NPRL3: variants seen among roughly 807,000 people sequenced by gnomAD.
NPRL3 encodes the protein GATOR1 complex protein NPRL3.
In NPRL3, 23 loss-of-function variants were observed where a neutral mutation model predicts 57.2. That is an observed-to-expected ratio of 0.40 (90% CI 0.29 to 0.57). NPRL3 has a LOEUF of 0.57. Among genes scored for constraint, NPRL3 ranks in the 20% least tolerant of loss-of-function variants. The probability of loss-of-function intolerance (pLI) is 0.42; values close to 1 mark genes in which losing one functional copy is unlikely to be tolerated. For missense variants in NPRL3, 691 were observed against 767.1 expected (o/e 0.90, Z 1.17); for synonymous variants, 333 against 321.1 (o/e 1.04, Z -0.39).
chr16:92,637 A>G lies in NPRL3; in HGVS notation c.1120T>C (p.Leu374=). The change falls in exon 11 of 14, where the codon TTG becomes CTG. Residue 374 remains leucine, a synonymous_variant. Transcript: ENST00000611875. ...GCCAGGGGATTCCTAAATTCTGACA[A>G]GGAGACCGGCAAGGAGAACTTGGCA... ...VLAKFSLPVS[L]SEFRNPLAPA... The G allele has an allele frequency of 6.2e-7, 1 of 1,613,720 alleles. No individual in the cohort carries two copies. The highest frequency in any genetic ancestry group is 8.5e-7 in the Non-Finnish European group (1 of 1,179,764).
At chr16:113,134 C>T (rs993349015) in intron 5 of NPRL3, among the ~76,000 whole-genome samples, 2 of 152,150 alleles carry the variant, frequency 1.3e-5, no homozygotes, top group African/African-American at 2.4e-5. Flanking sequence ...AAGAAATTAG[C>T]GAGCCATGTA....
In NPRL3 at chr16:97,175, G is replaced by A. The variant is rs566648683; in HGVS notation, c.924+970C>T. ...CAATGGTCCCGTGGCTCTGGGCCAC[G>A]CCCACATGACTAGCAGCCACAGCTG... On this transcript the variant is annotated intron_variant, in intron 9 of 13. Transcript: ENST00000611875. Among the ~76,000 whole-genome samples, 4 of 151,758 alleles carry A rather than the reference G, an allele frequency of 2.6e-5. No individual in the cohort carries two copies. In the South Asian group the frequency reaches 6.2e-4, roughly 24 times the overall value.
chr16:111,943 T>C (rs1314004435), intron 6 of NPRL3, among the ~76,000 whole-genome samples: 1 of 152,200 alleles, frequency 6.6e-6, no homozygotes, highest in African/African-American at 2.4e-5. Flanking sequence ...GTTACAGGTG[T>C]CTCTTTATGT....
At chr16:126,597 C>T (rs1900530327) in intron 3 of NPRL3, among the ~76,000 whole-genome samples, 1 of 152,106 alleles carries the variant, frequency 6.6e-6, no homozygotes, top group African/African-American at 2.4e-5. Flanking sequence ...GGTGTCCACA[C>T]AGAGAGGGAC....
In NPRL3 at chr16:109,743, G is replaced by C. The variant is rs147941296; in HGVS notation, c.629+782C>G. 1.0e-3 allele frequency among the ~76,000 whole-genome samples: 153 copies of C among 152,192 alleles called. 4 individuals carry two copies. In the East Asian group the frequency reaches 0.026, roughly 26 times the overall value. The stretch of plus-strand genomic sequence containing the variant: ...CCGAGCTTTGCCAACATCGAGTCTC[G>C]TGAAATTGTGGATCTTAACCAGTAT... On this transcript the variant is annotated intron_variant, in intron 7 of 13. Coordinates refer to ENST00000611875, the MANE Select transcript of NPRL3 (RefSeq NM_001077350.3).
intron 4 of NPRL3, among the ~76,000 whole-genome samples, chr16:117,760 G>A (rs1185950627): frequency 1.3e-5 from 2 of 152,232 alleles, no homozygotes; most frequent in Non-Finnish European, 2.9e-5. Context: ...GGGACAGGAC[G>A]ATGTTCAGGG....
chr16:134,691 A>ATTT (rs765141529), intron 2 of NPRL3, among the ~76,000 whole-genome samples: 10 of 108,496 alleles, frequency 9.2e-5, no homozygotes, highest in African/African-American at 2.5e-4. Flanking sequence ...AGTAATTATT[A>ATTT]TTATTTTTTT....
At chr16:98,899 T>C (rs560798025) in intron 8 of NPRL3, among the ~76,000 whole-genome samples, 3 of 152,082 alleles carry the variant, frequency 2.0e-5, no homozygotes, top group East Asian at 1.9e-4. Context: ...GATTGCGCCA[T>C]TGCACTCCAG....
intron 10 of NPRL3, 133 bp from the exon 11 acceptor site, chr16:92,858 G>T: frequency 8.3e-7 from 1 of 1,211,650 alleles, no homozygotes; most frequent in Non-Finnish European, 1.2e-6. Flanking sequence ...AGAACGGTAT[G>T]AGGCCAGGCA....
chr16:112,458 C>T (rs994056254), intron 6 of NPRL3, among the ~76,000 whole-genome samples, 164 bp downstream of exon 6: 13 of 152,216 alleles, frequency 8.5e-5, no homozygotes, highest in Admixed American at 2.0e-4. Context: ...CACCAAAAGC[C>T]GATGCTTGCA....
intron 9 of NPRL3, among the ~76,000 whole-genome samples, chr16:95,230 G>A (rs1898936092): frequency 6.6e-6 from 1 of 151,478 alleles, no homozygotes; most frequent in South Asian, 2.1e-4. Context: ...TGGGGATTAG[G>A]ATGTGTATAT....
intron 3 of NPRL3, 199 bp from the exon 4 acceptor site, chr16:119,454 A>C: frequency 1.7e-6 from 1 of 600,088 alleles, no homozygotes; most frequent in South Asian, 2.0e-5. Context: ...CCAGAATTAC[A>C]AGGTAAAAGG....
intron 11 of NPRL3, among the ~76,000 whole-genome samples, chr16:92,043 G>A (rs1233980733): frequency 2.0e-5 from 3 of 152,142 alleles, no homozygotes; most frequent in African/African-American, 7.2e-5. Context: ...CTGCCTGCCC[G>A]TTGCCCTGAT....
In NPRL3 at chr16:85,601, G is replaced by A. The variant is rs934461697; in HGVS notation, c.*1104C>T. 3 of 1,610,620 alleles carry A rather than the reference G, an allele frequency of 1.9e-6. No homozygotes were observed. The highest frequency in any genetic ancestry group is 2.5e-6 in the Non-Finnish European group (3 of 1,177,812). On this transcript the variant is annotated 3_prime_UTR_variant, in exon 14 of 14. Transcript: ENST00000611875. Reference sequence around the variant, plus strand: ...CCAGAGGGACCTGGCACAGGATGAAGCTGTATGGCTGGAGCGTGGTCCCCT... The same window carrying A: ...CCAGAGGGACCTGGCACAGGATGAAACTGTATGGCTGGAGCGTGGTCCCCT...
In NPRL3 at chr16:103,296, A is replaced by ATTTTTTTTTTTTTTT. The variant is rs533871530; in HGVS notation, c.630-2802_630-2788dup. 9.5e-3 allele frequency among the ~76,000 whole-genome samples: 400 copies of ATTTTTTTTTTTTTTT among 42,120 alleles called. 102 individuals are homozygous for ATTTTTTTTTTTTTTT. Among genetic ancestry groups the ATTTTTTTTTTTTTTT allele is most frequent in the Non-Finnish European group, 0.012 (301 of 24,110 alleles). 27.6% of individuals were successfully genotyped at this position (42,120 alleles called of 152,430 possible). Reference sequence around the variant, plus strand: ...GACGTGCAACATCACGCCTGGGGTGATTTTTTTTTTTTTTTTTTTTTTTTT... The same window carrying ATTTTTTTTTTTTTTT: ...GACGTGCAACATCACGCCTGGGGTGATTTTTTTTTTTTTTTTTTTTTTTTTTTTTTTTTTTTTTTT... On this transcript the variant is annotated intron_variant, in intron 7 of 13. Coordinates refer to ENST00000611875, the MANE Select transcript of NPRL3 (RefSeq NM_001077350.3).
At position 130,563 on chromosome 16, in the gene NPRL3, G is replaced by A. The variant is rs1157537547; in HGVS notation, c.147C>T (p.Ser49=). 7.1e-6 allele frequency: 11 copies of A among 1,555,346 alleles called. No individual in the cohort carries two copies. Among genetic ancestry groups the A allele is most frequent in the Non-Finnish European group, 9.6e-6 (11 of 1,149,134 alleles). Residue 49 remains serine, a synonymous_variant, in exon 3 of 14, where the codon AGC becomes AGT. Coordinates refer to ENST00000611875, the MANE Select transcript of NPRL3 (RefSeq NM_001077350.3). The stretch of plus-strand genomic sequence containing the variant: ...GCTCATCAGCATGGTCGCCCGTGTT[G>A]CTGGCAGCGTATCTGCTACGCGGCT... The part of the protein sequence containing the change: ...TSKPRSRYAA[S]NTGDHADEQD...
intron 3 of NPRL3, among the ~76,000 whole-genome samples, chr16:121,668 T>C (rs1900286288): frequency 6.6e-6 from 1 of 152,018 alleles, no homozygotes; most frequent in African/African-American, 2.4e-5. Context: ...TGGAGCCCTC[T>C]GAGGCAGCCA....
rs1293414735 is a variant in NPRL3, at chr16:96,682, C to T, written c.924+1463G>A. Among the ~76,000 whole-genome samples the T allele has an allele frequency of 6.0e-5, 9 of 149,086 alleles. 1 individual carries two copies. The South Asian group carries it at 1.7e-3, about 28-fold the overall frequency. On this transcript the variant is annotated intron_variant, in intron 9 of 13. Transcript: ENST00000611875. ...AAAAAAAAAAAAAATATTAGCCAGG[C>T]GCACACCTGTAGTCCCAGCTACTTG...
At position 88,692 on chromosome 16, in the gene NPRL3, AC is replaced by A. The variant is rs1476279635; in HGVS notation, c.1544+5del. 6.2e-7 allele frequency: 1 copy of A among 1,605,674 alleles called. No individual in the cohort carries two copies. Among genetic ancestry groups the A allele is most frequent in the African/African-American group, 1.3e-5 (1 of 74,774 alleles). ...CCCCAGTCCCAACGGGTCAACCTACACCCACCTGGCAAACATGCGGAGGTCC... is the reference window on the plus strand; with the variant it reads ...CCCCAGTCCCAACGGGTCAACCTACACCACCTGGCAAACATGCGGAGGTCC... On this transcript the variant is annotated splice_donor_5th_base_variant and intron_variant, in intron 13 of 13. Coordinates refer to ENST00000611875, the MANE Select transcript of NPRL3 (RefSeq NM_001077350.3).
Sources: gnomAD v4.1 joint callset for allele counts (sites outside exome capture counted in the v4.1 genomes callset) on GRCh38, gnomAD v4.1.1 for gene constraint, MANE v1.5 for transcripts, NCBI Gene and HGNC (gene_info 2026-07-23, HGNC 2026-07-21) for gene names.